Variants in PCDH11X observed in about 807,000 individuals in gnomAD.
The protein encoded by PCDH11X is protocadherin 11 X-linked.
PCDH11X carries 18 observed loss-of-function variants against 53.3 expected under a neutral mutation model. That is an observed-to-expected ratio of 0.34 (90% CI 0.23 to 0.50). The LOEUF (loss-of-function observed/expected upper bound fraction) is 0.50, where lower values mean the gene tolerates loss of function less well. PCDH11X is among the 20% of genes least tolerant of loss of function. The pLI is 0.98. For synonymous variants in PCDH11X, 279 were observed against 393.3 expected, an observed-to-expected ratio of 0.71 and a Z score of 3.44; for missense variants, 570 against 1,032.4, an observed-to-expected ratio of 0.55 and a Z score of 6.14.
chrX:91,847,821 A>C lies in PCDH11X; in HGVS notation c.540+11777A>C, dbSNP rs758580318. ...TTTTCTAAAGCTAAATTTTACACAC[A>C]CAAAAAAAACAGACATGGAAAACAG... On this transcript the variant is annotated intron_variant, in intron 5 of 10. Coordinates refer to ENST00000682573, the MANE Select transcript of PCDH11X (RefSeq NM_032968.5). Among the ~76,000 whole-genome samples the C allele has an allele frequency of 5.4e-5, 6 of 111,973 alleles. No individual in the cohort carries two copies. The South Asian group carries it at 1.5e-3, about 28-fold the overall frequency.
chrX:91,839,461 C>CA (rs757627555), intron 5 of PCDH11X, among the ~76,000 whole-genome samples: 5,142 of 70,332 alleles, frequency 0.073, 402 homozygotes, highest in African/African-American at 0.22. Flanking sequence ...TAAAAAAATA[C>CA]AAAAAAAAAA....
At chrX:91,837,403 G>C (rs1207299694) in intron 5 of PCDH11X, among the ~76,000 whole-genome samples, 1 of 111,653 alleles carries the variant, frequency 9.0e-6, no homozygotes, top group African/African-American at 3.3e-5. Context: ...CTAAAATTTA[G>C]ATGATTTTTA....
At chrX:92,094,446 G>T (rs1409115079) in intron 6 of PCDH11X, among the ~76,000 whole-genome samples, 2 of 110,683 alleles carry the variant, frequency 1.8e-5, no homozygotes, top group Non-Finnish European at 3.8e-5. Flanking sequence ...CCTATGATAT[G>T]CAGGTGTTAT....
At chrX:92,518,625 G>T (rs977750326) in intron 10 of PCDH11X, among the ~76,000 whole-genome samples, 2 of 110,898 alleles carry the variant, frequency 1.8e-5, no homozygotes, top group African/African-American at 6.6e-5. Flanking sequence ...AATAATCAGG[G>T]CCTTCAGGAT....
At chrX:91,780,962 T>A (rs939211001) in intron 1 of PCDH11X, among the ~76,000 whole-genome samples, 4 of 112,007 alleles carry the variant, frequency 3.6e-5, no homozygotes, top group Non-Finnish European at 1.9e-5. Context: ...AATGATTTAT[T>A]CCGCGTTCCT....
At chrX:92,051,843 C>T (rs1289325544) in intron 6 of PCDH11X, among the ~76,000 whole-genome samples, 1 of 110,023 alleles carries the variant, frequency 9.1e-6, no homozygotes, top group Non-Finnish European at 1.9e-5. Flanking sequence ...TAATGAATTT[C>T]ATGTTTTAAA....
chrX:92,160,391 A>G (rs1185732168), intron 6 of PCDH11X, among the ~76,000 whole-genome samples: 1 of 110,212 alleles, frequency 9.1e-6, no homozygotes, highest in Admixed American at 9.7e-5. Flanking sequence ...GCTCCCGCTT[A>G]TGAGTGAGAA....
At chrX:91,844,681 A>G (rs1451798051) in intron 5 of PCDH11X, among the ~76,000 whole-genome samples, 1 of 106,157 alleles carries the variant, frequency 9.4e-6, no homozygotes, top group East Asian at 3.0e-4. Context: ...AATAGGTCTT[A>G]AAATATCCTT....
At chrX:92,482,474 CCA>C (rs951675826) in intron 10 of PCDH11X, among the ~76,000 whole-genome samples, 21 of 111,042 alleles carry the variant, frequency 1.9e-4, no homozygotes, top group African/African-American at 6.2e-4. Flanking sequence ...GTATTTTCAG[CCA>C]CTTTTAAGAA....
intron 8 of PCDH11X, among the ~76,000 whole-genome samples, chrX:92,306,998 A>G (rs758606158): frequency 0.022 from 2,418 of 108,716 alleles, 71 homozygotes; most frequent in African/African-American, 0.078. Context: ...AGAAAAGCTC[A>G]GGACCAGATG....
intron 6 of PCDH11X, among the ~76,000 whole-genome samples, chrX:92,107,351 T>C (rs2064406509): frequency 8.9e-6 from 1 of 112,382 alleles, no homozygotes; most frequent in Admixed American, 9.4e-5. Flanking sequence ...GATTGAGACC[T>C]GTTTCAGATA....
At chrX:92,484,159 GTATATATGTA>G (rs1213714317) in intron 10 of PCDH11X, among the ~76,000 whole-genome samples, 1 of 41,272 alleles carries the variant, frequency 2.4e-5, no homozygotes, top group African/African-American at 7.6e-5. Flanking sequence ...ATGTATATAT[GTATATATGTA>G]TATATATGTA....
chrX:92,032,663 C>T (rs4119313), intron 6 of PCDH11X, among the ~76,000 whole-genome samples: 38,206 of 108,651 alleles, frequency 0.35, 7,050 homozygotes, highest in African/African-American at 0.66. Context: ...TTCTTCTATC[C>T]CTAGTCTTTT....
At chrX:92,369,710 G>A (rs2428407) in intron 8 of PCDH11X, among the ~76,000 whole-genome samples, 3 of 111,587 alleles carry the variant, frequency 2.7e-5, no homozygotes, top group African/African-American at 6.5e-5. Context: ...TAACATGGCC[G>A]TGTAGCACAG....
chrX:92,459,728 C>T (rs1477119564), intron 9 of PCDH11X: 2 of 1,102,060 alleles, frequency 1.8e-6, no homozygotes, highest in East Asian at 3.0e-5. Flanking sequence ...TCTGTCCAGG[C>T]GCCCAGCTAC....
At chrX:92,140,671 G>T (rs186439224) in intron 6 of PCDH11X, among the ~76,000 whole-genome samples, 1 of 111,076 alleles carries the variant, frequency 9.0e-6, no homozygotes, top group Non-Finnish European at 1.9e-5. Context: ...TAGAATAAAT[G>T]GCCTTTTTTC....
At chrX:91,985,480 G>A (rs193150446) in intron 6 of PCDH11X, among the ~76,000 whole-genome samples, 1,304 of 112,127 alleles carry the variant, frequency 0.012, 11 homozygotes, top group Non-Finnish European at 0.018. Context: ...ACTCCAGCCT[G>A]GGTGACAGAG....
chrX:91,855,621 A>ATGTTCT (rs1302611898), intron 5 of PCDH11X, among the ~76,000 whole-genome samples: 14 of 110,059 alleles, frequency 1.3e-4, no homozygotes, highest in African/African-American at 4.4e-4. Context: ...TGATTCTTCT[A>ATGTTCT]ATCTATGAAC....
intron 10 of PCDH11X, among the ~76,000 whole-genome samples, chrX:92,500,915 A>C (rs1263371883): frequency 9.0e-6 from 1 of 110,825 alleles, no homozygotes; most frequent in South Asian, 3.8e-4. Context: ...AAACACTTTT[A>C]AAAAAATCAA....
Sources: allele counts gnomAD v4.1 joint callset (sites outside exome capture counted in the v4.1 genomes callset), GRCh38; gene constraint gnomAD v4.1.1; transcripts MANE v1.5; gene names NCBI Gene and HGNC (gene_info 2026-07-23, HGNC 2026-07-21).